Variants in MARCHF1 observed in about 807,000 individuals in gnomAD.
MARCHF1 encodes membrane associated ring-CH-type finger 1.
Under a neutral mutation model 54.2 loss-of-function variants are expected in MARCHF1, and 40 were observed. The ratio of observed to expected loss-of-function variants is 0.74; its 90% CI spans 0.57 to 0.96. The LOEUF is 0.96. Ranked by LOEUF, MARCHF1 falls within the 40% of genes least tolerant of loss-of-function variation. MARCHF1 has a pLI of 0.00. For missense variants in MARCHF1, 586 were observed against 656.5 expected, an observed-to-expected ratio of 0.89 and a Z score of 1.17; for synonymous variants, 236 against 236.3, an observed-to-expected ratio of 1.00 and a Z score of 0.01.
chr4:164,330,875 TCA>T (rs1387925707), intron 1 of MARCHF1, among the ~76,000 whole-genome samples: 1 of 152,174 alleles, frequency 6.6e-6, no homozygotes, highest in Non-Finnish European at 1.5e-5. Context: ...AAAATATAAA[TCA>T]CAGATTTTTC....
At position 163,934,985 on chromosome 4, in the gene MARCHF1, CA is replaced by C. The variant is rs529514469; in HGVS notation, c.-39+53515del. 3.9e-3 allele frequency among the ~76,000 whole-genome samples: 591 copies of C among 152,222 alleles called. 21 individuals are homozygous for C. The highest frequency in any genetic ancestry group is 0.037 in the Admixed American group (562 of 15,280). On this transcript the variant is annotated intron_variant, in intron 3 of 9. Coordinates refer to ENST00000514618, the MANE Select transcript of MARCHF1 (RefSeq NM_001394959.1). Reference sequence around the variant, plus strand: ...ATCACTATCTATGGCAGCTACAGTACAGCCTTAAAAACTATGTTTCTTAAAT... The same window carrying C: ...ATCACTATCTATGGCAGCTACAGTACGCCTTAAAAACTATGTTTCTTAAAT...
intron 1 of MARCHF1, among the ~76,000 whole-genome samples, chr4:164,326,341 G>A (rs998676355): frequency 2.6e-5 from 4 of 152,064 alleles, no homozygotes; most frequent in African/African-American, 9.7e-5. Flanking sequence ...TCCAGCCAGT[G>A]GTCTACATCA....
At chr4:164,193,167 A>C (rs947604288) in intron 1 of MARCHF1, among the ~76,000 whole-genome samples, 3 of 151,778 alleles carry the variant, frequency 2.0e-5, no homozygotes, top group African/African-American at 7.3e-5. Context: ...ACTAAATGAC[A>C]CTCCCACTGG....
Position 163,734,588 on chromosome 4 carries a change from A to G in MARCHF1, c.112-33725T>C, listed in dbSNP as rs374841428. On this transcript the variant is annotated intron_variant, in intron 4 of 9. Transcript: ENST00000514618. ...AGCTCCTGCTTTTTGTAATGTTCCAATTCTAAGGTAGGATGGTCAAATTCT... is the reference window on the plus strand; with the variant it reads ...AGCTCCTGCTTTTTGTAATGTTCCAGTTCTAAGGTAGGATGGTCAAATTCT... 8.6e-5 allele frequency among the ~76,000 whole-genome samples: 13 copies of G among 151,626 alleles called. No homozygotes were observed. The East Asian group carries it at 1.9e-3, about 23-fold the overall frequency.
intron 4 of MARCHF1, among the ~76,000 whole-genome samples, chr4:163,846,902 A>C (rs1385710193): frequency 1.3e-5 from 2 of 152,168 alleles, no homozygotes; most frequent in Non-Finnish European, 2.9e-5. Flanking sequence ...GAATGCATAA[A>C]CAGCTTGAGC....
At chr4:163,802,867 A>C (rs1489172321) in intron 4 of MARCHF1, among the ~76,000 whole-genome samples, 1 of 152,238 alleles carries the variant, frequency 6.6e-6, no homozygotes, top group Non-Finnish European at 1.5e-5. Context: ...GTTATGTTAC[A>C]GAGAGTTATT....
intron 2 of MARCHF1, among the ~76,000 whole-genome samples, chr4:164,107,811 AT>A (rs2111174402): frequency 2.3e-5 from 1 of 43,806 alleles, no homozygotes; most frequent in South Asian, 4.9e-4. Context: ...CAAAATGTCG[AT>A]AATACAAAAA....
intron 2 of MARCHF1, among the ~76,000 whole-genome samples, chr4:164,105,820 G>A (rs1755681929): frequency 7.2e-6 from 1 of 138,634 alleles, no homozygotes; most frequent in Admixed American, 7.2e-5. Flanking sequence ...CCATCAGAGT[G>A]AACAGGTAAC....
intron 2 of MARCHF1, among the ~76,000 whole-genome samples, chr4:164,011,334 C>T (rs970106604): frequency 6.6e-6 from 1 of 151,984 alleles, no homozygotes; most frequent in Non-Finnish European, 1.5e-5. Flanking sequence ...AAGAGACAAC[C>T]CGCAGATGTT....
At chr4:164,341,491 TA>T (rs1414178699) in intron 1 of MARCHF1, among the ~76,000 whole-genome samples, 4 of 152,214 alleles carry the variant, frequency 2.6e-5, no homozygotes, top group Non-Finnish European at 5.9e-5. Context: ...TTTGGGTTGT[TA>T]AAACAAAATA....
At chr4:164,022,364 C>T (rs528212764) in intron 2 of MARCHF1, among the ~76,000 whole-genome samples, 3 of 152,338 alleles carry the variant, frequency 2.0e-5, no homozygotes, top group Admixed American at 2.0e-4. Flanking sequence ...AACCAACATA[C>T]TTTGGCAGAT....
At chr4:164,214,951 G>C (rs955021250) in intron 1 of MARCHF1, among the ~76,000 whole-genome samples, 4 of 152,250 alleles carry the variant, frequency 2.6e-5, no homozygotes, top group Admixed American at 2.0e-4. Flanking sequence ...ACCTCAGATG[G>C]GCAGGCTGTG....
chr4:163,912,461 A>G (rs538314720), intron 3 of MARCHF1, among the ~76,000 whole-genome samples: 1 of 152,310 alleles, frequency 6.6e-6, no homozygotes, highest in South Asian at 2.1e-4. Context: ...AGGGAGGGAC[A>G]CTTGAGATTG....
chr4:163,555,569 A>T (rs1739257368), intron 8 of MARCHF1, among the ~76,000 whole-genome samples: 1 of 152,200 alleles, frequency 6.6e-6, no homozygotes, highest in Admixed American at 6.5e-5. Flanking sequence ...GTTATGGTGA[A>T]AGATATTTTA....
intron 9 of MARCHF1, among the ~76,000 whole-genome samples, chr4:163,545,184 T>C (rs1738855121): frequency 6.6e-6 from 1 of 152,204 alleles, no homozygotes; most frequent in Admixed American, 6.5e-5. Context: ...TAACACATTC[T>C]CTACTGGAAT....
intron 3 of MARCHF1, among the ~76,000 whole-genome samples, chr4:163,909,806 T>C (rs1420086533): frequency 2.0e-5 from 3 of 152,178 alleles, no homozygotes; most frequent in Non-Finnish European, 2.9e-5. Flanking sequence ...AATCAGGCTA[T>C]GGGCATAAAT....
chr4:163,707,720 A>C (rs1382945993), intron 4 of MARCHF1, among the ~76,000 whole-genome samples: 2 of 151,602 alleles, frequency 1.3e-5, no homozygotes, highest in Non-Finnish European at 2.9e-5. Flanking sequence ...TCTCCCAGAG[A>C]AATACAAGCA....
chr4:163,832,334 A>C (rs999934999), intron 4 of MARCHF1, among the ~76,000 whole-genome samples: 7 of 152,160 alleles, frequency 4.6e-5, no homozygotes, highest in Non-Finnish European at 1.0e-4. Flanking sequence ...TGAGTTTTGC[A>C]ACCCTTAATA....
At chr4:163,741,367 T>C (rs1746190048) in intron 4 of MARCHF1, among the ~76,000 whole-genome samples, 1 of 152,034 alleles carries the variant, frequency 6.6e-6, no homozygotes, top group Non-Finnish European at 1.5e-5. Context: ...GGTGGATTAC[T>C]TGAGGTCAGG....
Sources: gnomAD v4.1 joint callset for allele counts (sites outside exome capture counted in the v4.1 genomes callset) on GRCh38, gnomAD v4.1.1 for gene constraint, MANE v1.5 for transcripts, NCBI Gene and HGNC (gene_info 2026-07-23, HGNC 2026-07-21) for gene names.